The following SPATA21 variants were observed in gnomAD, a reference collection of about 807,000 sequenced individuals.
SPATA21 encodes the protein spermatogenesis-associated protein 21.
Under a neutral mutation model 54.8 loss-of-function variants are expected in SPATA21, and 47 were observed. The ratio of observed to expected loss-of-function variants is 0.86; its 90% confidence interval spans 0.68 to 1.09. The LOEUF (loss-of-function observed/expected upper bound fraction) is 1.09, where lower values mean the gene tolerates loss of function less well. Ranked by LOEUF, SPATA21 falls within the 50% of genes least tolerant of loss-of-function variation. The probability of loss-of-function intolerance (pLI) is 0.00; values close to 1 mark genes in which losing one functional copy is unlikely to be tolerated. For synonymous variants in SPATA21, 245 were observed against 235.3 expected (o/e 1.04, Z -0.38); for missense variants, 599 against 596.4 (o/e 1.00, Z -0.05).
At position 16,403,953 on chromosome 1, in the gene SPATA21, C is replaced by T; in HGVS notation, c.883+15G>A. On this transcript the variant is annotated intron_variant, in intron 9 of 12. Transcript: ENST00000335496. ...CTCCTCCAGTTCTGACTACGCTGGG[C>T]TCATCCCTGCTCACCCACAGAGCAG... 1.3e-6 allele frequency: 2 copies of T among 1,599,428 alleles called. No homozygotes were observed. The highest frequency in any genetic ancestry group is 1.7e-6 in the Non-Finnish European group (2 of 1,172,866).
chr1:16,413,702 T>C (rs1222080959), intron 5 of SPATA21, among the ~76,000 whole-genome samples: 2 of 152,032 alleles, frequency 1.3e-5, no homozygotes, highest in Admixed American at 6.6e-5. Context: ...AACCTCCACC[T>C]CCCAGGTTCA....
chr1:16,435,257 C>A (rs2086557140), intron 1 of SPATA21, among the ~76,000 whole-genome samples: 1 of 152,122 alleles, frequency 6.6e-6, no homozygotes, highest in African/African-American at 2.4e-5. Context: ...TAATGTTGGA[C>A]ATCTTCATGT....
In SPATA21 at chr1:16,409,776, C is replaced by A. The variant is rs529678631; in HGVS notation, c.412G>T (p.Gly138Cys). ...PQTPASVPAS[G>C]PSWARLPAPG... is the part of the protein sequence containing the mutation. Reference sequence around the variant, plus strand: ...GCTGGCAGCCGGGCCCACGATGGGCCGCTGGCAGGGACCGAGGCAGGGGTC... The same window carrying A: ...GCTGGCAGCCGGGCCCACGATGGGCAGCTGGCAGGGACCGAGGCAGGGGTC... Residue 138 changes from glycine to cysteine, a missense_variant, in exon 6 of 13, where the codon GGC becomes TGC. Transcript: ENST00000335496. The surrounding 1 kb of genome is among the most constrained non-coding windows in gnomAD (Gnocchi z 4.1). 6.2e-7 allele frequency: 1 copy of A among 1,604,650 alleles called. No homozygotes were observed. Among genetic ancestry groups the A allele is most frequent in the African/African-American group, 1.3e-5 (1 of 74,744 alleles).
chr1:16,431,861 C>T (rs1166796742), intron 2 of SPATA21, among the ~76,000 whole-genome samples: 1 of 152,106 alleles, frequency 6.6e-6, no homozygotes, highest in East Asian at 1.9e-4. Context: ...CAGGCTCTTT[C>T]CTGTACAACT....
At chr1:16,400,612 T>C in intron 11 of SPATA21, 108 bp downstream of exon 11, 1 of 1,501,934 alleles carries the variant, frequency 6.7e-7, no homozygotes, top group East Asian at 2.3e-5. Flanking sequence ...GAAACTGGCC[T>C]CTCAGCTCCC....
chr1:16,411,800 A>C (rs1374506104), intron 5 of SPATA21, among the ~76,000 whole-genome samples: 4 of 131,700 alleles, frequency 3.0e-5, no homozygotes, highest in South Asian at 2.3e-4. Flanking sequence ...AAAAAAAAAA[A>C]AAAAAAAACA....
At chr1:16,407,977 G>T (rs1257034043) in intron 7 of SPATA21, among the ~76,000 whole-genome samples, 1 of 152,090 alleles carries the variant, frequency 6.6e-6, no homozygotes, top group East Asian at 1.9e-4. Flanking sequence ...ATGTTGCTTA[G>T]GCTAGTCTTG....
At chr1:16,435,239 A>G (rs558154292) in intron 1 of SPATA21, among the ~76,000 whole-genome samples, 23 of 152,130 alleles carry the variant, frequency 1.5e-4, no homozygotes, top group African/African-American at 4.8e-4. Context: ...CATTTCCCCA[A>G]TGGCCGATAA....
chr1:16,421,557 C>T lies in SPATA21; in HGVS notation c.96G>A (p.Gly32=). The change falls in exon 5 of 13, where the codon GGG becomes GGA. Residue 32 remains glycine (G), a splice_region_variant and synonymous_variant. Coordinates refer to ENST00000335496, the MANE Select transcript of SPATA21 (RefSeq NM_198546.1). The surrounding 1 kb of genome is among the most constrained non-coding windows in gnomAD (Gnocchi z 5.2). ...CTGGGTGGGTCTCCACAGCCTCACC[C>T]CTGAATAGAAGAGAAACCCCCAGGT... ...STPGPKKAKG[G]GEAVETHPAP... 2 of 1,613,324 alleles carry T rather than the reference C, an allele frequency of 1.2e-6. No individual in the cohort carries two copies. Among genetic ancestry groups the T allele is most frequent in the South Asian group, 1.1e-5 (1 of 90,910 alleles).
At chr1:16,423,944 T>A (rs928412832) in intron 3 of SPATA21, among the ~76,000 whole-genome samples, 1 of 151,778 alleles carries the variant, frequency 6.6e-6, no homozygotes, top group Admixed American at 6.6e-5. Context: ...TACAAACAAA[T>A]CTATAGTGAT....
At position 16,410,006 on chromosome 1, in the gene SPATA21, C is replaced by G. The variant is rs771677658; in HGVS notation, c.182G>C (p.Arg61Pro). ...GGGCTTCTGAGGCTGCTGCTGCGCA[C>G]GGTCTGGCTCCCGCCTCTCTCCAAT... ...RDIGERREPDRAQQQPQKPAV... is the reference protein window; with the variant it reads ...RDIGERREPDPAQQQPQKPAV... Residue 61 changes from arginine (R) to proline (P), a missense_variant, in exon 6 of 13, where the codon CGT (arginine) becomes CCT (proline). By Grantham distance (103) the Arg-to-Pro change is moderately radical. Coordinates refer to ENST00000335496, the MANE Select transcript of SPATA21 (RefSeq NM_198546.1). 1 of 1,581,668 alleles carries G rather than the reference C, an allele frequency of 6.3e-7. No individual in the cohort carries two copies. Among genetic ancestry groups the G allele is most frequent in the South Asian group, 1.2e-5 (1 of 84,642 alleles).
At chr1:16,404,927 G>T in intron 8 of SPATA21, 40 bp downstream of exon 8, 2 of 1,521,430 alleles carry the variant, frequency 1.3e-6, no homozygotes, top group Non-Finnish European at 1.8e-6. Context: ...AGTGAAGCAG[G>T]CCCTGCCTGG....
downstream of SPATA21, chr1:16,396,852 C>G (rs1428123891): frequency 6.6e-6 from 1 of 152,308 alleles, no homozygotes; most frequent in African/African-American, 2.4e-5. Flanking sequence ...CATAGCACAG[C>G]CTTATAACTG....
downstream of SPATA21, chr1:16,396,795 TCTC>T (rs1416071545): frequency 1.3e-5 from 2 of 152,268 alleles, no homozygotes; most frequent in African/African-American, 4.8e-5. Flanking sequence ...CAACACGTCC[TCTC>T]CTCCGGAGGA....
At chr1:16,411,588 A>T (rs779784827) in intron 5 of SPATA21, among the ~76,000 whole-genome samples, 1 of 152,222 alleles carries the variant, frequency 6.6e-6, no homozygotes, top group Non-Finnish European at 1.5e-5. Flanking sequence ...CAGGAGATCG[A>T]GACCATCTTG....
intron 7 of SPATA21, 151 bp downstream of exon 7, chr1:16,408,967 T>C (rs749893081): frequency 1.2e-5 from 8 of 652,030 alleles, no homozygotes; most frequent in African/African-American, 1.9e-5. Context: ...CCCTGCCCCA[T>C]AGGCCAAGTG....
intron 2 of SPATA21, among the ~76,000 whole-genome samples, chr1:16,432,303 G>T (rs2086480350): frequency 1.3e-5 from 2 of 151,732 alleles, no homozygotes; most frequent in South Asian, 2.1e-4. Context: ...TGTATTTTTA[G>T]TAGAGATGGG....
At chr1:16,433,738 G>C (rs546763419) in intron 1 of SPATA21, among the ~76,000 whole-genome samples, 1 of 152,322 alleles carries the variant, frequency 6.6e-6, no homozygotes, top group African/African-American at 2.4e-5. Context: ...GGAAGCCCCA[G>C]CCCTAGCAGA....
At chr1:16,411,806 AAAC>A (rs201290723) in intron 5 of SPATA21, among the ~76,000 whole-genome samples, 2,699 of 128,380 alleles carry the variant, frequency 0.021, 166 homozygotes, top group African/African-American at 0.061. Flanking sequence ...AAAAAAAAAA[AAAC>A]AAAACAAAAC....
Sources: gnomAD v4.1 joint callset for allele counts (sites outside exome capture counted in the v4.1 genomes callset) on GRCh38, gnomAD v4.1.1 for gene constraint, Gnocchi (gnomAD v3.1) non-coding constraint, MANE v1.5 for transcripts, NCBI Gene and HGNC (gene_info 2026-07-23, HGNC 2026-07-21) for gene names.